The following CEP164 variants were observed in gnomAD, a reference collection of about 807,000 sequenced individuals.
CEP164 encodes centrosomal protein of 164 kDa.
In CEP164, 162 loss-of-function variants were observed where a neutral mutation model predicts 182.7. The observed-to-expected ratio is 0.89, with a 90% CI of 0.78 to 1.01. The LOEUF is 1.01. Among genes scored for constraint, CEP164 ranks in the 50% least tolerant of loss-of-function variants. The pLI, the probability that CEP164 is intolerant of heterozygous loss-of-function variation, is 0.00. For missense variants in CEP164, 1,735 were observed against 1,790.4 expected (o/e 0.97, Z 0.56); for synonymous variants, 661 against 690.0 (o/e 0.96, Z 0.66).
In CEP164 at chr11:117,411,533, G is replaced by A. The variant is rs938945673; in HGVS notation, c.4164-262G>A. The stretch of plus-strand genomic sequence containing the variant: ...GGAGCGCTTTGCTGATGAGATTGGC[G>A]GGAGCAGGCGGATGTGGGAGCCCAG... On this transcript the variant is annotated intron_variant, in intron 31 of 32. Transcript: ENST00000278935. The surrounding 1 kb of genome is among the most constrained non-coding windows in gnomAD (Gnocchi z 4.4). 11 of 422,100 alleles carry A rather than the reference G, an allele frequency of 2.6e-5. No individual in the cohort carries two copies. The highest frequency in any genetic ancestry group is 2.0e-4 in the African/African-American group (10 of 49,582). 26.1% of individuals were successfully genotyped at this position (422,100 alleles called of 1,614,324 possible).
Position 117,409,648 on chromosome 11 carries a change from A to G in CEP164, c.3779A>G (p.Lys1260Arg). The G allele has an allele frequency of 6.2e-7, 1 of 1,610,640 alleles. No homozygotes were observed. Among genetic ancestry groups the G allele is most frequent in the South Asian group, 1.1e-5 (1 of 91,014 alleles). The change falls in exon 30 of 33, where the codon AAG becomes AGG. Residue 1260 changes from lysine to arginine, a missense_variant. Physicochemically the swap from Lys to Arg is conservative, Grantham distance 26. Transcript: ENST00000278935. The surrounding 1 kb of genome is among the most constrained non-coding windows in gnomAD (Gnocchi z 4.4). Reference protein sequence around the residue: ...IDSTPSLTSRKIHGLSHSLRQ... With the variant: ...IDSTPSLTSRRIHGLSHSLRQ... ...TCAACCCCGAGTCTCACCTCCCGCA[A>G]GATCCACGGGCTTAGCCACTCCCTC...
In CEP164 at chr11:117,392,247, G is replaced by T; in HGVS notation, c.2305G>T (p.Glu769Ter). Residue 769 changes from glutamate (E) to a stop codon, truncating the protein, a stop_gained, in exon 18 of 33, where the codon GAG (glutamate) becomes TAG (stop). Coordinates refer to ENST00000278935, the MANE Select transcript of CEP164 (RefSeq NM_014956.5). LOFTEE classifies it high-confidence loss of function. ...CCAGGCTGTGGCAACGCTGGAGAAGGAGCACAGTGCTGAGCTGGAGCGGCT... is the reference window on the plus strand; with the variant it reads ...CCAGGCTGTGGCAACGCTGGAGAAGTAGCACAGTGCTGAGCTGGAGCGGCT... ...RKEAVATLEKEHSAELERLCS... is the reference protein window; with the variant it reads ...RKEAVATLEK 6.2e-7 allele frequency: 1 copy of T among 1,609,262 alleles called. No individual in the cohort carries two copies. The highest frequency in any genetic ancestry group is 8.5e-7 in the Non-Finnish European group (1 of 1,177,546).
intron 1 of CEP164, among the ~76,000 whole-genome samples, chr11:117,333,826 G>A (rs1014246891): frequency 1.3e-5 from 2 of 152,136 alleles, no homozygotes; most frequent in Admixed American, 6.5e-5. Context: ...GTGAGCCACT[G>A]TGCCCAGCCC....
chr11:117,321,961 G>C (rs958974014), intron 1 of CEP164, among the ~76,000 whole-genome samples: 15 of 152,112 alleles, frequency 9.9e-5, no homozygotes, highest in Non-Finnish European at 4.4e-5. Context: ...GCCTCTCAAA[G>C]TGTTGGGATT....
chr11:117,374,606 T>C (rs2042546761), intron 10 of CEP164, among the ~76,000 whole-genome samples: 1 of 151,988 alleles, frequency 6.6e-6, no homozygotes, highest in African/African-American at 2.4e-5. Context: ...GAACTCAAAC[T>C]GAAAGGAAAA....
At chr11:117,392,787 C>A (rs2044843044) in intron 19 of CEP164, among the ~76,000 whole-genome samples, 160 bp downstream of exon 19, 3 of 152,172 alleles carry the variant, frequency 2.0e-5, no homozygotes, top group Non-Finnish European at 2.9e-5. Context: ...CCCTTGAAGC[C>A]AGGTACTCCT....
At chr11:117,375,606 A>G (rs1014564521) in intron 10 of CEP164, 102 bp from the exon 11 acceptor site, 11 of 877,102 alleles carry the variant, frequency 1.3e-5, no homozygotes, top group Non-Finnish European at 2.1e-5. Context: ...TGGGCACATA[A>G]TAGACATCTT....
In CEP164 at chr11:117,411,940, A is replaced by G. The variant is rs767178060; in HGVS notation, c.4286+23A>G. On this transcript the variant is annotated intron_variant, in intron 32 of 32. Transcript: ENST00000278935. The surrounding 1 kb of genome is among the most constrained non-coding windows in gnomAD (Gnocchi z 4.4). ...GTTGTATCCTTTTACCTGGTTCCCA[A>G]ACTGGGCTGGGCTGTGGGGACTGTG... 9 of 1,613,528 alleles carry G rather than the reference A, an allele frequency of 5.6e-6. No individual in the cohort carries two copies. In the African/African-American group the frequency reaches 1.2e-4, roughly 22 times the overall value.
rs138868640 is a variant in CEP164 at position 117,356,134 on chromosome 11, G to A, written c.393+4146G>A. ...AGGAGGGTATGGCTCAGTCAGACTC[G>A]GGTCTCAGAGATCAACACTTCAGCC... is the stretch of plus-strand genomic sequence containing the variant. On this transcript the variant is annotated intron_variant, in intron 5 of 32. Transcript: ENST00000278935. 1.3e-4 allele frequency: 131 copies of A among 1,030,058 alleles called. No individual in the cohort carries two copies. In the African/African-American group the frequency reaches 2.1e-3, roughly 16 times the overall value. The allele number at this position is 1,030,058 out of a possible 1,614,324, so 63.8% of individuals were successfully genotyped here.
Position 117,397,143 on chromosome 11 carries a change from C to A in CEP164, c.3331C>A (p.Arg1111Ser), listed in dbSNP as rs777952543. ...CCTCTCTGCTGAGGGGGTAGCCCTC[C>A]GTAGTGCCAAGGAGTTCCTTGTGCA... ...HLLSAEGVAL[R>S]SAKEFLVQQT... Residue 1111 changes from arginine to serine, a missense_variant, in exon 27 of 33, where the codon CGT (arginine) becomes AGT (serine). Coordinates refer to ENST00000278935, the MANE Select transcript of CEP164 (RefSeq NM_014956.5). The A allele has an allele frequency of 6.2e-7, 1 of 1,614,100 alleles. No individual in the cohort carries two copies. Among genetic ancestry groups the A allele is most frequent in the Admixed American group, 1.7e-5 (1 of 60,010 alleles).
At chr11:117,361,813 C>CA (rs777623758) in intron 5 of CEP164, 22 bp from the exon 6 acceptor site, 1 of 1,614,056 alleles carries the variant, frequency 6.2e-7, no homozygotes, top group South Asian at 1.1e-5. Flanking sequence ...TGAGTTGTAA[C>CA]AAGATGTTTT....
intron 8 of CEP164, among the ~76,000 whole-genome samples, chr11:117,365,618 C>A (rs954915937): frequency 2.6e-5 from 4 of 152,020 alleles, no homozygotes; most frequent in African/African-American, 9.7e-5. Flanking sequence ...TCACTCTTGT[C>A]CCCCAGGCTG....
Position 117,396,184 on chromosome 11 carries a change from AGCTGGGG to A in CEP164, c.3216+12_3216+18del. ...CCTGAGGAAATCCCTTGGAACAGTG[AGCTGGGG>A]GCTGGGGCCTGGGGGCTGGGGCACC... On this transcript the variant is annotated splice_donor_5th_base_variant and intron_variant, in intron 25 of 32. Coordinates refer to ENST00000278935, the MANE Select transcript of CEP164 (RefSeq NM_014956.5). 2.3e-6 allele frequency: 2 copies of A among 862,270 alleles called. No homozygotes were observed. The highest frequency in any genetic ancestry group is 3.5e-6 in the Non-Finnish European group (2 of 565,328). The allele number at this position is 862,270 out of a possible 1,614,324, so 53.4% of individuals were successfully genotyped here.
At chr11:117,398,823 CTAGGCCTCTGGGTCTGTG>C (rs2045820809) in intron 27 of CEP164, among the ~76,000 whole-genome samples, 1 of 152,182 alleles carries the variant, frequency 6.6e-6, no homozygotes, top group African/African-American at 2.4e-5. Flanking sequence ...TTTTTTCCTC[CTAGGCCTCTGGGTCTGTG>C]ATGGGAGGGG....
intron 1 of CEP164, among the ~76,000 whole-genome samples, chr11:117,321,986 T>C (rs1472928945): frequency 6.6e-6 from 1 of 152,184 alleles, no homozygotes; most frequent in Non-Finnish European, 1.5e-5. Flanking sequence ...ATGTGAGCCA[T>C]TGCTCTCGGC....
chr11:117,361,913 C>G lies in CEP164; in HGVS notation c.472C>G (p.Pro158Ala), dbSNP rs1327831374. Reference sequence around the variant, plus strand: ...TTTACGAGGTCTTGTGGATACCCCACCCTCTGCTCTTCGTGGATCTCAAAG... The same window carrying G: ...TTTACGAGGTCTTGTGGATACCCCAGCCTCTGCTCTTCGTGGATCTCAAAG... ...APLRGLVDTP[P>A]SALRGSQSVS... Residue 158 changes from proline (P) to alanine (A), a missense_variant, in exon 6 of 33, where the codon CCC becomes GCC. Transcript: ENST00000278935. 1.2e-6 allele frequency: 2 copies of G among 1,612,212 alleles called. No individual in the cohort carries two copies. Among genetic ancestry groups the G allele is most frequent in the Non-Finnish European group, 1.7e-6 (2 of 1,179,632 alleles).
At chr11:117,408,488 T>C (rs2046965709) in intron 28 of CEP164, 2 of 244,104 alleles carry the variant, frequency 8.2e-6, no homozygotes, top group South Asian at 1.3e-4. Flanking sequence ...GTGGTGGGGG[T>C]CTGTGTGGAC....
chr11:117,365,800 G>A (rs1187426680), intron 8 of CEP164, among the ~76,000 whole-genome samples: 3 of 152,030 alleles, frequency 2.0e-5, no homozygotes, highest in South Asian at 2.1e-4. Context: ...GGCTGGTCTC[G>A]AACTCCTGAC....
chr11:117,356,160 C>G lies in CEP164; in HGVS notation c.393+4172C>G, dbSNP rs902593733. 10 of 1,044,658 alleles carry G rather than the reference C, an allele frequency of 9.6e-6. No individual in the cohort carries two copies. The African/African-American group carries it at 1.7e-4, about 18-fold the overall frequency. The allele number at this position is 1,044,658 out of a possible 1,614,324, so 64.7% of individuals were successfully genotyped here. On this transcript the variant is annotated intron_variant, in intron 5 of 32. Transcript: ENST00000278935. Reference sequence around the variant, plus strand: ...GGTCTCAGAGATCAACACTTCAGCCCCTTCTTAGATCCTCACATGTCCCAC... The same window carrying G: ...GGTCTCAGAGATCAACACTTCAGCCGCTTCTTAGATCCTCACATGTCCCAC...
Sources: gnomAD v4.1 joint callset for allele counts (sites outside exome capture counted in the v4.1 genomes callset) on GRCh38, gnomAD v4.1.1 for gene constraint, Gnocchi (gnomAD v3.1) non-coding constraint, MANE v1.5 for transcripts, NCBI Gene and HGNC (gene_info 2026-07-23, HGNC 2026-07-21) for gene names.